PATL1: variants seen among roughly 807,000 people sequenced by gnomAD.
PATL1 encodes the protein PAT1 homolog 1, processing body mRNA decay factor, also known as protein PAT1 homolog 1.
A neutral mutation model predicts 100.6 loss-of-function variants in PATL1; 32 were observed. That is an observed-to-expected ratio of 0.32 (90% CI 0.24 to 0.43). PATL1 has a LOEUF of 0.43. PATL1 is among the 20% of genes least tolerant of loss of function. The pLI, the probability that PATL1 is intolerant of heterozygous loss-of-function variation, is 1.00. For missense variants in PATL1, 747 were observed against 949.9 expected, an observed-to-expected ratio of 0.79 and a Z score of 2.81; for synonymous variants, 332 against 330.0, an observed-to-expected ratio of 1.01 and a Z score of -0.07.
chr11:59,655,538 T>A lies in PATL1; in HGVS notation c.1016A>T (p.His339Leu). ...TTTTGTATACCTTAGGTTTTGCAGG[T>A]GGGGTCCTGGGCCAGGAGGGTGCTG... Reference protein sequence around the residue: ...PQQHPPGPGPHLQNLRSQAPM... With the variant: ...PQQHPPGPGPLLQNLRSQAPM... The change falls in exon 8 of 19, where the codon CAC becomes CTC. Residue 339 changes from histidine (H) to leucine (L), a missense_variant. His to Leu is a moderately conservative substitution (Grantham distance 99, BLOSUM62 -3). Coordinates refer to ENST00000300146, the MANE Select transcript of PATL1 (RefSeq NM_152716.3). The A allele has an allele frequency of 1.3e-6, 2 of 1,577,138 alleles. No homozygotes were observed. The highest frequency in any genetic ancestry group is 2.3e-5 in the South Asian group (2 of 86,202).
chr11:59,658,972 G>T, intron 3 of PATL1, 26 bp from the exon 4 acceptor site: 1 of 1,526,910 alleles, frequency 6.5e-7, no homozygotes, highest in Non-Finnish European at 8.9e-7. Flanking sequence ...AACATACAGA[G>T]TCTGAAATGT....
intron 2 of PATL1, among the ~76,000 whole-genome samples, chr11:59,662,890 C>T (rs1017423550): frequency 1.3e-5 from 2 of 151,994 alleles, no homozygotes; most frequent in African/African-American, 2.4e-5. Flanking sequence ...TTGGTTAAGT[C>T]GCCATATTCT....
At position 59,655,929 on chromosome 11, in the gene PATL1, T is replaced by C. The variant is rs1861523083; in HGVS notation, c.813+27A>G. 3 of 1,525,732 alleles carry C rather than the reference T, an allele frequency of 2.0e-6. No homozygotes were observed. In the South Asian group the frequency reaches 3.5e-5, roughly 18 times the overall value. 94.5% of individuals were successfully genotyped at this position (1,525,732 alleles called of 1,614,324 possible). A position where few individuals can be genotyped will look rare whatever the true frequency, so the allele number is the denominator to read the frequency against. On this transcript the variant is annotated intron_variant, in intron 7 of 18. Transcript: ENST00000300146. ...ACTTTAGGAAAGTAGGAGAGTTCTT[T>C]ATGGGTAGGGCTAATCACAGGCTTA...
At chr11:59,655,403 A>G in intron 8 of PATL1, 120 bp downstream of exon 8, 1 of 921,362 alleles carries the variant, frequency 1.1e-6, no homozygotes, top group Non-Finnish European at 1.6e-6. Flanking sequence ...TGCCAACTTG[A>G]GGATCCAATA....
At chr11:59,645,879 C>T (rs188540121) in intron 15 of PATL1, among the ~76,000 whole-genome samples, 19 of 152,076 alleles carry the variant, frequency 1.2e-4, no homozygotes, top group African/African-American at 3.9e-4. Context: ...TGATTCAGAC[C>T]TAGAACCAGC....
rs184905421 is a variant in PATL1 at position 59,644,348 on chromosome 11, G to T, written c.1894-1313C>A. 1.4e-4 allele frequency among the ~76,000 whole-genome samples: 20 copies of T among 145,322 alleles called. No homozygotes were observed. In the East Asian group the frequency reaches 3.3e-3, roughly 24 times the overall value. On this transcript the variant is annotated intron_variant, in intron 15 of 18. Transcript: ENST00000300146. The stretch of plus-strand genomic sequence containing the variant: ...TCTTCATAGACCATTTCTCAGGAAA[G>T]AATTTTAAAATATCATCTAGTATCT...
At chr11:59,661,937 A>G (rs889918580) in intron 2 of PATL1, among the ~76,000 whole-genome samples, 33 of 152,386 alleles carry the variant, frequency 2.2e-4, no homozygotes, top group African/African-American at 7.7e-4. Context: ...GATTATTTAC[A>G]ATTTTCCAAT....
chr11:59,657,731 G>A lies in PATL1; in HGVS notation c.427-7C>T, dbSNP rs1257103361. On this transcript the variant is annotated splice_region_variant and splice_polypyrimidine_tract_variant and intron_variant, in intron 4 of 18. Transcript: ENST00000300146. ...CAGACACTGTAGGCATTTCCTAATTGAGGAAGTGGTAAAATAAAATAGAAA... is the reference window on the plus strand; with the variant it reads ...CAGACACTGTAGGCATTTCCTAATTAAGGAAGTGGTAAAATAAAATAGAAA... 1 of 1,550,380 alleles carries A rather than the reference G, an allele frequency of 6.5e-7. No homozygotes were observed. The highest frequency in any genetic ancestry group is 8.8e-7 in the Non-Finnish European group (1 of 1,139,720).
intron 14 of PATL1, among the ~76,000 whole-genome samples, chr11:59,648,611 AT>A (rs1230449364): frequency 6.6e-6 from 1 of 151,840 alleles, no homozygotes; most frequent in Non-Finnish European, 1.5e-5. Context: ...TGTATTATAT[AT>A]TTTTTCTTTC....
Position 59,647,610 on chromosome 11 carries a change from G to C in PATL1, c.1893+144C>G, listed in dbSNP as rs961102853. The C allele has an allele frequency of 1.8e-5, 15 of 838,114 alleles. No individual in the cohort carries two copies. The East Asian group carries it at 4.0e-4, about 23-fold the overall frequency. The allele number at this position is 838,114 out of a possible 1,614,324, so 51.9% of individuals were successfully genotyped here. ...AAAAATATAGGCCTGAAATACTAAA[G>C]GTTTTGTTTTAAATAATCAAATCAC... On this transcript the variant is annotated intron_variant, in intron 15 of 18. Transcript: ENST00000300146.
intron 7 of PATL1, 38 bp downstream of exon 7, chr11:59,655,918 G>A (rs2134753366): frequency 6.8e-7 from 1 of 1,480,264 alleles, no homozygotes; most frequent in South Asian, 1.2e-5. Context: ...TAGGAAAGTA[G>A]GAGAGTTCTT....
At position 59,657,740 on chromosome 11, in the gene PATL1, G is replaced by T; in HGVS notation, c.427-16C>A. On this transcript the variant is annotated splice_polypyrimidine_tract_variant and intron_variant, in intron 4 of 18. Transcript: ENST00000300146. ...TAGGCATTTCCTAATTGAGGAAGTG[G>T]TAAAATAAAATAGAAATTAACTAAC... 6.6e-7 allele frequency: 1 copy of T among 1,525,514 alleles called. No individual in the cohort carries two copies. 94.5% of individuals were successfully genotyped at this position (1,525,514 alleles called of 1,614,324 possible).
rs186245888 is a variant in PATL1, at chr11:59,655,570, A to G, written c.984T>C (p.Pro328=). The part of the protein sequence containing the change: ...FFSAPPSATP[P]PQQHPPGPGP... ...CTGGGCCAGGAGGGTGCTGCTGTGG[A>G]GGTGGTGTAGCGGAGGGTGGAGCAC... Residue 328 remains proline, a synonymous_variant, in exon 8 of 19, where the codon CCT becomes CCC. Transcript: ENST00000300146. The G allele has an allele frequency of 4.6e-4, 728 of 1,590,002 alleles. 6 individuals carry two copies. The Admixed American group carries it at 5.7e-3, about 12-fold the overall frequency.
At chr11:59,661,651 T>C (rs1861625643) in intron 2 of PATL1, among the ~76,000 whole-genome samples, 1 of 152,170 alleles carries the variant, frequency 6.6e-6, no homozygotes, top group African/African-American at 2.4e-5. Flanking sequence ...TCAGAGAAAA[T>C]ACATGTTTAA....
rs1423635957 is a variant in PATL1, at chr11:59,637,851, T to G, written c.*539A>C. The G allele has an allele frequency of 6.5e-6, 1 of 153,944 alleles. No homozygotes were observed. Among genetic ancestry groups the G allele is most frequent in the Non-Finnish European group, 1.4e-5 (1 of 69,116 alleles). 9.5% of individuals were successfully genotyped at this position (153,944 alleles called of 1,614,324 possible). On this transcript the variant is annotated 3_prime_UTR_variant, in exon 19 of 19. Transcript: ENST00000300146. ...TAGAAGAGGTAATGAGACAACTAAA[T>G]ATTTTTCAATCTAAAATTCATTCTT...
At chr11:59,640,115 G>A (rs1861255305) in intron 16 of PATL1, among the ~76,000 whole-genome samples, 1 of 152,040 alleles carries the variant, frequency 6.6e-6, no homozygotes, top group Admixed American at 6.6e-5. Flanking sequence ...GCCAAGGTGG[G>A]TGGATGACCT....
intron 16 of PATL1, among the ~76,000 whole-genome samples, chr11:59,640,305 C>T (rs539769995): frequency 1.5e-4 from 22 of 149,002 alleles, no homozygotes; most frequent in African/African-American, 2.7e-4. Context: ...CGCACCATTG[C>T]GCTCCAGCCT....
intron 8 of PATL1, among the ~76,000 whole-genome samples, chr11:59,654,843 C>T (rs1020316851): frequency 4.6e-5 from 7 of 152,284 alleles, no homozygotes; most frequent in Middle Eastern, 3.4e-3. Flanking sequence ...GTTGACCTTA[C>T]AAAAGAGATT....
intron 2 of PATL1, among the ~76,000 whole-genome samples, chr11:59,662,618 C>G (rs1442230569): frequency 2.0e-5 from 3 of 152,126 alleles, no homozygotes; most frequent in Non-Finnish European, 2.9e-5. Flanking sequence ...TAAGCTGGGA[C>G]AGGATAAATT....
Sources: allele counts gnomAD v4.1 joint callset (sites outside exome capture counted in the v4.1 genomes callset), GRCh38; gene constraint gnomAD v4.1.1; transcripts MANE v1.5; gene names NCBI Gene and HGNC (gene_info 2026-07-23, HGNC 2026-07-21).